The following JCAD variants were observed in gnomAD, a reference collection of about 807,000 sequenced individuals.
JCAD encodes the protein junctional cadherin 5-associated protein.
A neutral mutation model predicts 98.0 loss-of-function variants in JCAD; 40 were observed. The ratio of observed to expected loss-of-function variants is 0.41; its 90% CI spans 0.32 to 0.53. JCAD has a LOEUF of 0.53. Ranked by LOEUF, JCAD falls within the 20% of genes least tolerant of loss-of-function variation. JCAD has a pLI of 0.31. For synonymous variants in JCAD, 691 were observed against 682.3 expected (o/e 1.01, Z -0.20); for missense variants, 1,705 against 1,738.1 (o/e 0.98, Z 0.34).
chr10:30,062,543 T>C (rs1385477138), upstream of JCAD, among the ~76,000 whole-genome samples: 1 of 152,192 alleles, frequency 6.6e-6, no homozygotes, highest in Non-Finnish European at 1.5e-5. Flanking sequence ...TGTATTATTC[T>C]ATTCCCATGC....
intron 2 of JCAD, among the ~76,000 whole-genome samples, chr10:30,041,986 T>TTG (rs780557906): frequency 4.6e-5 from 7 of 151,628 alleles, no homozygotes; most frequent in South Asian, 4.2e-4. Context: ...GTGTGTGTGT[T>TTG]TGTGTGTGTG....
At position 30,017,836 on chromosome 10, in the gene JCAD, T is replaced by C. The variant is rs776968011; in HGVS notation, c.*47A>G. ...TGATAGACTAAATCTACCAGCTACT[T>C]GAGAATACTCAATTCGCAACGGAAT... is the stretch of plus-strand genomic sequence containing the variant. On this transcript the variant is annotated 3_prime_UTR_variant, in exon 4 of 4. Transcript: ENST00000375377. 26 of 1,564,984 alleles carry C rather than the reference T, an allele frequency of 1.7e-5. No homozygotes were observed. The highest frequency in any genetic ancestry group is 1.7e-4 in the Middle Eastern group (1 of 5,988).
At chr10:30,100,026 C>T (rs112794280) in intron 1 of JCAD, among the ~76,000 whole-genome samples, 2 of 152,122 alleles carry the variant, frequency 1.3e-5, no homozygotes, top group African/African-American at 2.4e-5. Context: ...TTAGCCTGTG[C>T]GGTCTAACCC....
intron 2 of JCAD, 29 bp from the exon 3 acceptor site, chr10:30,029,895 G>A: frequency 6.3e-7 from 1 of 1,588,370 alleles, no homozygotes; most frequent in Non-Finnish European, 8.6e-7. Context: ...CAGACGTTAG[G>A]CACAGAAGAA....
chr10:30,027,026 C>T lies in JCAD; in HGVS notation c.3122G>A (p.Arg1041Gln). The T allele has an allele frequency of 6.2e-7, 1 of 1,614,200 alleles. No individual in the cohort carries two copies. Among genetic ancestry groups the T allele is most frequent in the Non-Finnish European group, 8.5e-7 (1 of 1,180,036 alleles). ...GLPLSLSNKN[R>Q]GLSAPDLRSV... ...CCGTAAGTCTGGAGCTGAGAGCCCT[C>T]GGTTCTTGTTAGACAGGGACAGTGG... The change falls in exon 3 of 4, where the codon CGA becomes CAA. Residue 1041 changes from arginine (R) to glutamine (Q), a missense_variant. By Grantham distance (43) the Arg-to-Gln change is conservative. Transcript: ENST00000375377.
chr10:30,114,128 T>A (rs1838752511), intron 1 of JCAD, among the ~76,000 whole-genome samples: 1 of 152,186 alleles, frequency 6.6e-6, no homozygotes, highest in Non-Finnish European at 1.5e-5. Flanking sequence ...GTTGACTTAG[T>A]TCCCCGTGCA....
At chr10:30,053,173 G>A (rs935113157) in intron 1 of JCAD, among the ~76,000 whole-genome samples, 2 of 152,096 alleles carry the variant, frequency 1.3e-5, no homozygotes, top group East Asian at 3.9e-4. Flanking sequence ...GTAAGGGCAT[G>A]AGGAGCTATA....
chr10:30,087,762 C>G (rs751235276), intron 1 of JCAD, among the ~76,000 whole-genome samples: 2 of 152,182 alleles, frequency 1.3e-5, no homozygotes, highest in African/African-American at 4.8e-5. Context: ...AAAAGCAGGG[C>G]GGGGAAGTGG....
At chr10:30,022,846 C>T (rs1416426072) in intron 3 of JCAD, among the ~76,000 whole-genome samples, 1 of 152,044 alleles carries the variant, frequency 6.6e-6, no homozygotes, top group African/African-American at 2.4e-5. Context: ...GTGGTGTAGC[C>T]TAAGTGTACA....
At chr10:30,044,677 C>CTTTT (rs4017854) in intron 2 of JCAD, 117 of 187,672 alleles carry the variant, frequency 6.2e-4, no homozygotes, top group South Asian at 1.9e-3. Flanking sequence ...GCAGTATTGG[C>CTTTT]TTTTTTTTTT....
intron 1 of JCAD, among the ~76,000 whole-genome samples, chr10:30,099,933 C>T (rs1564472213): frequency 6.6e-6 from 1 of 152,208 alleles, no homozygotes; most frequent in Non-Finnish European, 1.5e-5. Flanking sequence ...TCTGCCCTGA[C>T]TCATTCTCCA....
At position 30,047,664 on chromosome 10, in the gene JCAD, C is replaced by T. The variant is rs552528585; in HGVS notation, c.149G>A (p.Gly50Asp). ...GQGLQNGHEDGPAALAHRKTS... is the reference protein window; with the variant it reads ...GQGLQNGHEDDPAALAHRKTS... ...CTTACGATGTGCGAGGGCCGCAGGG[C>T]CATCCTCATGCCCGTTCTGCAGGCC... Residue 50 changes from glycine (G) to aspartate (D), a missense_variant, in exon 2 of 4, where the codon GGC becomes GAC. Around this residue, in one of 3 missense-constraint regions of JCAD, gnomAD observed 152 missense variants for 148.0 expected, o/e 1.03. Transcript: ENST00000375377. The T allele has an allele frequency of 1.9e-6, 3 of 1,614,244 alleles. No homozygotes were observed. Among genetic ancestry groups the T allele is most frequent in the Non-Finnish European group, 2.5e-6 (3 of 1,180,056 alleles).
In JCAD at chr10:30,038,145, A is replaced by C. The variant is rs539791352; in HGVS notation, c.282-8279T>G. Among the ~76,000 whole-genome samples the C allele has an allele frequency of 8.5e-4, 130 of 152,204 alleles. 1 individual carries two copies. Among genetic ancestry groups the C allele is most frequent in the African/African-American group, 3.0e-3 (124 of 41,516 alleles). On this transcript the variant is annotated intron_variant, in intron 2 of 3. Transcript: ENST00000375377. ...GGTCTAGTAAAGAACTTTTATACAC[A>C]CAAGTTAAGTCGGAGGCCACGGTCC...
intron 1 of JCAD, among the ~76,000 whole-genome samples, chr10:30,084,781 G>C (rs922334818): frequency 2.0e-5 from 3 of 146,760 alleles, no homozygotes; most frequent in Non-Finnish European, 3.0e-5. Flanking sequence ...AATCAAATCT[G>C]TATCTATCTA....
In JCAD at chr10:30,031,050, C is replaced by CCATTAAATTTACTTGTAAAATATACA. The variant is rs1216215853; in HGVS notation, c.282-1185_282-1184insTGTATATTTTACAAGTAAATTTAATG. Among the ~76,000 whole-genome samples, 350 of 151,950 alleles carry CCATTAAATTTACTTGTAAAATATACA rather than the reference C, an allele frequency of 2.3e-3. 1 individual carries two copies. The highest frequency in any genetic ancestry group is 8.2e-3 in the African/African-American group (340 of 41,332). On this transcript the variant is annotated intron_variant, in intron 2 of 3. Coordinates refer to ENST00000375377, the MANE Select transcript of JCAD (RefSeq NM_020848.4). Reference sequence around the variant, plus strand: ...ACCCAGTGGGCTTGTAAAATATACACATTACCAAGTCTCTCCCACTGAAAG... The same window carrying CCATTAAATTTACTTGTAAAATATACA: ...ACCCAGTGGGCTTGTAAAATATACACCATTAAATTTACTTGTAAAATATACAATTACCAAGTCTCTCCCACTGAAAG...
Position 30,027,574 on chromosome 10 carries a change from G to A in JCAD, c.2574C>T (p.Ser858=), listed in dbSNP as rs966419817. The A allele has an allele frequency of 2.6e-6, 4 of 1,544,264 alleles. No individual in the cohort carries two copies. Among genetic ancestry groups the A allele is most frequent in the Non-Finnish European group, 3.5e-6 (4 of 1,135,914 alleles). Residue 858 remains serine, a synonymous_variant, in exon 3 of 4, where the codon AGC becomes AGT. Coordinates refer to ENST00000375377, the MANE Select transcript of JCAD (RefSeq NM_020848.4). ...SSSSSSSSSS[S]SEESEAEPQQ... ...GCGGCTCCGCCTCACTCTCCTCACT[G>A]CTGCTGCTGCTGCTGCTGCTGCTAC...
chr10:30,039,112 C>G (rs1837186483), intron 2 of JCAD, among the ~76,000 whole-genome samples: 1 of 152,252 alleles, frequency 6.6e-6, no homozygotes, highest in African/African-American at 2.4e-5. Context: ...AGAAGCCACA[C>G]TGGGTGGCCC....
upstream of JCAD, among the ~76,000 whole-genome samples, chr10:30,062,219 G>A (rs1837711832): frequency 6.6e-6 from 1 of 152,190 alleles, no homozygotes. Flanking sequence ...AATGTAATGG[G>A]ATTGAAATAC....
At chr10:30,110,837 C>T (rs1334050552) in intron 1 of JCAD, among the ~76,000 whole-genome samples, 1 of 151,412 alleles carries the variant, frequency 6.6e-6, no homozygotes. Context: ...CTCAGGTATG[C>T]ACTAACAGAT....
Sources: allele counts gnomAD v4.1 joint callset (sites outside exome capture counted in the v4.1 genomes callset), GRCh38; gene constraint gnomAD v4.1.1; regional missense constraint gnomAD v4.1.1; transcripts MANE v1.5; gene names NCBI Gene and HGNC (gene_info 2026-07-23, HGNC 2026-07-21).